The following TAFA1 variants were observed in gnomAD, a reference collection of about 807,000 sequenced individuals.
The protein encoded by TAFA1 is chemokine-like protein TAFA-1.
Under a neutral mutation model 18.5 loss-of-function variants are expected in TAFA1, and 4 were observed. The observed-to-expected ratio is 0.22, with a 90% confidence interval of 0.11 to 0.49. The LOEUF (loss-of-function observed/expected upper bound fraction) is 0.49, where lower values mean the gene tolerates loss of function less well. TAFA1 is among the 20% of genes least tolerant of loss of function. The pLI is 0.98. For synonymous variants in TAFA1, 56 were observed against 55.2 expected (o/e 1.01, Z -0.06); for missense variants, 147 against 169.0 (o/e 0.87, Z 0.72).
chr3:68,041,772 G>A (rs1450371962), intron 2 of TAFA1, among the ~76,000 whole-genome samples: 2 of 152,148 alleles, frequency 1.3e-5, no homozygotes, highest in Admixed American at 1.3e-4. Context: ...TGATTCGAAT[G>A]TATCTTATCT....
intron 2 of TAFA1, among the ~76,000 whole-genome samples, chr3:68,255,415 C>T (rs1010981462): frequency 2.0e-5 from 3 of 152,098 alleles, no homozygotes; most frequent in Non-Finnish European, 4.4e-5. Flanking sequence ...TTCACCAACT[C>T]TTCAGTGTAC....
chr3:68,380,056 TG>T (rs1333979478), intron 2 of TAFA1, among the ~76,000 whole-genome samples: 1 of 152,078 alleles, frequency 6.6e-6, no homozygotes, highest in Non-Finnish European at 1.5e-5. Context: ...TTGAGAATGA[TG>T]GTTTCCAGTT....
intron 2 of TAFA1, among the ~76,000 whole-genome samples, chr3:68,325,677 AG>A (rs2068765344): frequency 6.6e-6 from 1 of 152,206 alleles, no homozygotes; most frequent in Admixed American, 6.5e-5. Flanking sequence ...ATTCCCCTCT[AG>A]GAGCTGAAAT....
At chr3:68,527,717 G>T (rs1231010961) in intron 3 of TAFA1, among the ~76,000 whole-genome samples, 1 of 152,024 alleles carries the variant, frequency 6.6e-6, no homozygotes, top group Non-Finnish European at 1.5e-5. Context: ...GCTTTAGAGT[G>T]GGAACTGTGT....
chr3:68,414,282 A>G (rs6798550), intron 2 of TAFA1, among the ~76,000 whole-genome samples: 106,507 of 152,008 alleles, frequency 0.7, 37,334 homozygotes, highest in East Asian at 0.74. Flanking sequence ...ACTCCAGCCT[A>G]GGCAACAGGA....
chr3:68,470,923 C>G (rs910473382), intron 3 of TAFA1, among the ~76,000 whole-genome samples: 5 of 152,112 alleles, frequency 3.3e-5, no homozygotes, highest in Admixed American at 6.5e-5. Context: ...CCCTTGGCAG[C>G]CCCTACCACC....
chr3:68,231,840 TA>T (rs2066876131), intron 2 of TAFA1, among the ~76,000 whole-genome samples: 1 of 152,170 alleles, frequency 6.6e-6, no homozygotes, highest in South Asian at 2.1e-4. Flanking sequence ...CTTTTGCAAT[TA>T]CTGTCTCTTC....
At chr3:68,349,202 G>C (rs576466530) in intron 2 of TAFA1, among the ~76,000 whole-genome samples, 8 of 151,554 alleles carry the variant, frequency 5.3e-5, no homozygotes, top group Middle Eastern at 3.4e-3. Context: ...TCAGGTTTTG[G>C]GGGGGTTTGG....
chr3:68,355,501 A>G (rs114718172), intron 2 of TAFA1, among the ~76,000 whole-genome samples: 9 of 152,116 alleles, frequency 5.9e-5, no homozygotes, highest in African/African-American at 2.2e-4. Flanking sequence ...GGGCTTAGAC[A>G]ATACCTGGCA....
At chr3:68,372,799 C>T (rs973545175) in intron 2 of TAFA1, among the ~76,000 whole-genome samples, 28 of 152,050 alleles carry the variant, frequency 1.8e-4, no homozygotes, top group Non-Finnish European at 3.1e-4. Flanking sequence ...GAAAAAAAAT[C>T]AGCTATTTGG....
chr3:68,194,347 T>C (rs1239992796), intron 2 of TAFA1, among the ~76,000 whole-genome samples: 1 of 151,750 alleles, frequency 6.6e-6, no homozygotes, highest in African/African-American at 2.4e-5. Context: ...AATGGAAATC[T>C]ACATTGTTTT....
intron 3 of TAFA1, among the ~76,000 whole-genome samples, chr3:68,428,632 G>T (rs867857198): frequency 1.3e-5 from 2 of 151,792 alleles, no homozygotes; most frequent in African/African-American, 4.8e-5. Context: ...CATTTCACCT[G>T]TTTCGTTTAT....
At chr3:68,354,165 T>C (rs2106780739) in intron 2 of TAFA1, among the ~76,000 whole-genome samples, 1 of 151,928 alleles carries the variant, frequency 6.6e-6, no homozygotes, top group African/African-American at 2.4e-5. Context: ...TAATTTTTTT[T>C]TTCTATCCCA....
intron 2 of TAFA1, among the ~76,000 whole-genome samples, chr3:68,020,876 G>A (rs956886891): frequency 5.9e-5 from 9 of 152,036 alleles, no homozygotes; most frequent in Non-Finnish European, 1.3e-4. Flanking sequence ...AGGTGAAGGT[G>A]GTCTAGTTAA....
chr3:68,001,348 C>G (rs1055355621), upstream of TAFA1, among the ~76,000 whole-genome samples: 2 of 152,180 alleles, frequency 1.3e-5, no homozygotes, highest in Non-Finnish European at 2.9e-5. Context: ...GAGACTCCTA[C>G]ATGAAGGTTA....
intron 2 of TAFA1, among the ~76,000 whole-genome samples, chr3:68,408,896 C>A (rs1293217194): frequency 6.6e-6 from 1 of 152,144 alleles, no homozygotes; most frequent in Non-Finnish European, 1.5e-5. Context: ...CAACTATTTA[C>A]ATACCAAACA....
intron 2 of TAFA1, 59 bp from the exon 3 acceptor site, chr3:68,417,221 G>T (rs1366132863): frequency 6.7e-7 from 1 of 1,498,266 alleles, no homozygotes. Flanking sequence ...CACTCCCAGG[G>T]GCTCGAATAG....
intron 2 of TAFA1, among the ~76,000 whole-genome samples, chr3:68,328,880 G>A (rs935734522): frequency 6.6e-6 from 1 of 151,994 alleles, no homozygotes; most frequent in Admixed American, 6.6e-5. Context: ...GTGACTAGTG[G>A]TAAACCAAGA....
intron 3 of TAFA1, among the ~76,000 whole-genome samples, chr3:68,501,764 G>T (rs918730354): frequency 6.6e-6 from 1 of 152,084 alleles, no homozygotes; most frequent in Non-Finnish European, 1.5e-5. Flanking sequence ...TTAGTAATGG[G>T]GGAATGAATC....
Sources: gnomAD v4.1 joint callset for allele counts (sites outside exome capture counted in the v4.1 genomes callset) on GRCh38, gnomAD v4.1.1 for gene constraint, MANE v1.5 for transcripts, NCBI Gene and HGNC (gene_info 2026-07-23, HGNC 2026-07-21) for gene names.